The following NCKAP5 variants were observed in gnomAD, a reference collection of about 807,000 sequenced individuals.
The protein encoded by NCKAP5 is nck-associated protein 5.
NCKAP5 carries 92 observed loss-of-function variants against 167.0 expected under a neutral mutation model. The ratio of observed to expected loss-of-function variants is 0.55; its 90% CI spans 0.47 to 0.66. The LOEUF is 0.66. NCKAP5 is among the 30% of genes least tolerant of loss of function. The probability of loss-of-function intolerance (pLI) is 0.00; values close to 1 mark genes in which losing one functional copy is unlikely to be tolerated. For synonymous variants in NCKAP5, 891 were observed against 877.4 expected (o/e 1.02, Z -0.27); for missense variants, 2,378 against 2,315.0 (o/e 1.03, Z -0.56).
Position 132,783,052 on chromosome 2 carries a change from T to C in NCKAP5, c.3759A>G (p.Arg1253=), listed in dbSNP as rs1683196793. Residue 1253 remains arginine, a synonymous_variant, in exon 14 of 20, where the codon AGA becomes AGG. Transcript: ENST00000409261. ...RDGVDNRSMR[R]SLSSSKPHLK... is the part of the protein sequence containing the mutation. ...GGTGTGGTTTGCTGGAGGAAAGGGA[T>C]CTTCTCATGGATCTATTATCTACCC... 1 of 1,613,628 alleles carries C rather than the reference T, an allele frequency of 6.2e-7. No individual in the cohort carries two copies. Among genetic ancestry groups the C allele is most frequent in the Non-Finnish European group, 8.5e-7 (1 of 1,179,838 alleles).
At chr2:133,257,848 G>A (rs1199664418) in intron 4 of NCKAP5, among the ~76,000 whole-genome samples, 1 of 152,158 alleles carries the variant, frequency 6.6e-6, no homozygotes, top group African/African-American at 2.4e-5. Flanking sequence ...CCTTTATACT[G>A]TGCCCACTCT....
At chr2:133,195,351 G>T (rs1352410716) in intron 5 of NCKAP5, among the ~76,000 whole-genome samples, 1 of 150,730 alleles carries the variant, frequency 6.6e-6, no homozygotes, top group Non-Finnish European at 1.5e-5. Context: ...TTTCCAGGAT[G>T]TCCAGAGAAT....
chr2:132,885,242 T>C (rs1692124023), intron 8 of NCKAP5, among the ~76,000 whole-genome samples: 1 of 151,484 alleles, frequency 6.6e-6, no homozygotes, highest in African/African-American at 2.4e-5. Context: ...CTAAATGTGA[T>C]TTAAAGAAAC....
chr2:133,214,204 A>C (rs1158324793), intron 4 of NCKAP5, among the ~76,000 whole-genome samples: 2 of 152,216 alleles, frequency 1.3e-5, no homozygotes, highest in Non-Finnish European at 2.9e-5. Flanking sequence ...CTACTTTTAA[A>C]ATAACAATAG....
chr2:133,390,011 T>C, intron 3 of NCKAP5, among the ~76,000 whole-genome samples: 1 of 152,206 alleles, frequency 6.6e-6, no homozygotes, highest in South Asian at 2.1e-4. Context: ...GACTCCTCAG[T>C]ACTGAAGCAG....
At chr2:133,037,885 A>T (rs994723757) in intron 6 of NCKAP5, among the ~76,000 whole-genome samples, 1 of 152,160 alleles carries the variant, frequency 6.6e-6, no homozygotes, top group Non-Finnish European at 1.5e-5. Context: ...AATATCTACA[A>T]ACTACCCCTC....
intron 6 of NCKAP5, among the ~76,000 whole-genome samples, chr2:133,042,411 C>T (rs2079246210): frequency 1.3e-5 from 2 of 152,106 alleles, no homozygotes; most frequent in Non-Finnish European, 2.9e-5. Flanking sequence ...TTCTAGCCTA[C>T]ATGTTAATTG....
chr2:132,992,447 C>T (rs1007515645), intron 7 of NCKAP5, among the ~76,000 whole-genome samples: 2 of 152,082 alleles, frequency 1.3e-5, no homozygotes, highest in Admixed American at 1.3e-4. Context: ...GAAAGAGATC[C>T]ACCATGAAGA....
intron 3 of NCKAP5, among the ~76,000 whole-genome samples, chr2:133,441,313 C>CT (rs1690845712): frequency 6.6e-6 from 1 of 152,178 alleles, no homozygotes; most frequent in East Asian, 1.9e-4. Context: ...GAATGTTAGT[C>CT]TTTTCCAGAG....
intron 8 of NCKAP5, 106 bp from the exon 9 acceptor site, chr2:132,879,022 A>C: frequency 1.2e-6 from 1 of 859,704 alleles, no homozygotes; most frequent in Non-Finnish European, 1.9e-6. Flanking sequence ...ATCCAAAACA[A>C]TCTTTTAGAA....
chr2:133,435,593 G>C (rs1425767641), intron 3 of NCKAP5, among the ~76,000 whole-genome samples: 1 of 152,166 alleles, frequency 6.6e-6, no homozygotes, highest in African/African-American at 2.4e-5. Flanking sequence ...AAGAGAAAGA[G>C]GGAGAGAGTG....
chr2:133,459,391 T>A (rs1045446213), intron 3 of NCKAP5, among the ~76,000 whole-genome samples: 1 of 152,068 alleles, frequency 6.6e-6, no homozygotes, highest in African/African-American at 2.4e-5. Context: ...GGCTAACAAT[T>A]TCTCTTTGGC....
At chr2:133,032,464 C>T (rs1286372833) in intron 6 of NCKAP5, among the ~76,000 whole-genome samples, 1 of 152,172 alleles carries the variant, frequency 6.6e-6, no homozygotes, top group African/African-American at 2.4e-5. Flanking sequence ...ACCAGGTAGA[C>T]TTCTAAGGTT....
At chr2:133,480,682 T>A (rs1680345126) in intron 3 of NCKAP5, among the ~76,000 whole-genome samples, 1 of 152,180 alleles carries the variant, frequency 6.6e-6, no homozygotes, top group Admixed American at 6.5e-5. Flanking sequence ...CCATGGCTGA[T>A]TCAACAATGC....
chr2:133,635,521 A>G, the NCKAP5 span, among the ~76,000 whole-genome samples: 1 of 152,222 alleles, frequency 6.6e-6, no homozygotes, highest in African/African-American at 2.4e-5. Context: ...TAAGGAAAAT[A>G]TTCTTCCAAA....
chr2:132,946,681 G>A lies in NCKAP5; in HGVS notation c.579+17039C>T, dbSNP rs575150711. Reference sequence around the variant, plus strand: ...GGAAGCCGAGGGGGGTGGATCACTTGAGCTCAGAAGTTCAAGGCCAGCCTA... The same window carrying A: ...GGAAGCCGAGGGGGGTGGATCACTTAAGCTCAGAAGTTCAAGGCCAGCCTA... On this transcript the variant is annotated intron_variant, in intron 8 of 19. Coordinates refer to ENST00000409261, the MANE Select transcript of NCKAP5 (RefSeq NM_207363.3). Among the ~76,000 whole-genome samples the A allele has an allele frequency of 9.9e-5, 15 of 152,264 alleles. No individual in the cohort carries two copies. The South Asian group carries it at 2.1e-3, about 21-fold the overall frequency.
chr2:133,339,354 G>GCCCA (rs1683424487), intron 3 of NCKAP5, among the ~76,000 whole-genome samples: 1 of 152,138 alleles, frequency 6.6e-6, no homozygotes, highest in Non-Finnish European at 1.5e-5. Context: ...CTATGAAACA[G>GCCCA]GTCCCCTGGG....
At chr2:133,169,891 G>A (rs2084165208) in intron 5 of NCKAP5, among the ~76,000 whole-genome samples, 1 of 152,140 alleles carries the variant, frequency 6.6e-6, no homozygotes, top group Non-Finnish European at 1.5e-5. Flanking sequence ...TAAGCATAAG[G>A]CATCCCTGTG....
At chr2:132,761,787 A>C (rs952483018) in intron 16 of NCKAP5, among the ~76,000 whole-genome samples, 3 of 152,148 alleles carry the variant, frequency 2.0e-5, no homozygotes, top group Non-Finnish European at 4.4e-5. Context: ...TGACAACTGG[A>C]GCTGCTTCCC....
Sources: allele counts gnomAD v4.1 joint callset (sites outside exome capture counted in the v4.1 genomes callset), GRCh38; gene constraint gnomAD v4.1.1; transcripts MANE v1.5; gene names NCBI Gene and HGNC (gene_info 2026-07-23, HGNC 2026-07-21).